The following DYNLRB1 variants were observed in gnomAD, a reference collection of about 807,000 sequenced individuals.
DYNLRB1 encodes ROBL/LC7-like 1.
A neutral mutation model predicts 13.5 loss-of-function variants in DYNLRB1; 6 were observed. That is an observed-to-expected ratio of 0.44 (90% CI 0.24 to 0.88). DYNLRB1 has a LOEUF of 0.88. Among genes scored for constraint, DYNLRB1 ranks in the 40% least tolerant of loss-of-function variants. The pLI, the probability that DYNLRB1 is intolerant of heterozygous loss-of-function variation, is 0.21. For missense variants in DYNLRB1, 93 were observed against 127.2 expected (o/e 0.73, Z 1.29); for synonymous variants, 43 against 45.0 (o/e 0.96, Z 0.18).
intron 2 of DYNLRB1, chr20:34,529,729 CA>C (rs111373342): frequency 0.18 from 144,707 of 782,972 alleles, 367 homozygotes; most frequent in East Asian, 0.3. Context: ...AACTCGGTCT[CA>C]AAAAAAAAAA....
chr20:34,533,520 T>C, intron 2 of DYNLRB1: 1 of 985,440 alleles, frequency 1.0e-6, no homozygotes, highest in African/African-American at 1.7e-5. Flanking sequence ...CTTCTACTTT[T>C]TAGTGTGTAG....
At chr20:34,518,971 C>CA (rs1979494271) in intron 1 of DYNLRB1, among the ~76,000 whole-genome samples, 1 of 152,040 alleles carries the variant, frequency 6.6e-6, no homozygotes, top group South Asian at 2.1e-4. Flanking sequence ...GAGCTCACTG[C>CA]AACCTCTGCC....
intron 1 of DYNLRB1, among the ~76,000 whole-genome samples, chr20:34,520,640 G>C (rs1263602928): frequency 6.6e-6 from 1 of 152,112 alleles, no homozygotes; most frequent in Non-Finnish European, 1.5e-5. Context: ...GTAGAAACAG[G>C]GTTTCGCCAT....
intron 1 of DYNLRB1, chr20:34,516,836 A>G: frequency 1.3e-6 from 2 of 1,547,804 alleles, no homozygotes; most frequent in Non-Finnish European, 8.7e-7. Context: ...CAAGCACTTT[A>G]TGTATCTTGT....
intron 1 of DYNLRB1, among the ~76,000 whole-genome samples, chr20:34,523,104 G>T (rs1030610002): frequency 6.6e-6 from 1 of 152,112 alleles, no homozygotes; most frequent in Admixed American, 6.5e-5. Flanking sequence ...GGGCCTCGGT[G>T]CCCAGTAGAG....
At chr20:34,530,951 C>T (rs1980672172) in intron 2 of DYNLRB1, 2 of 152,336 alleles carry the variant, frequency 1.3e-5, no homozygotes, top group African/African-American at 2.4e-5. Context: ...CTTTTGACAT[C>T]TCTGCCTTGG....
At chr20:34,516,618 C>G (rs1313311451) in intron 1 of DYNLRB1, 157 bp downstream of exon 1, 21 of 1,500,056 alleles carry the variant, frequency 1.4e-5, no homozygotes, top group Non-Finnish European at 1.7e-5. Flanking sequence ...GAGGGTGGAA[C>G]CCGGCGGCGG....
chr20:34,532,903 G>A (rs576506746), intron 2 of DYNLRB1, among the ~76,000 whole-genome samples: 9 of 152,306 alleles, frequency 5.9e-5, no homozygotes, highest in East Asian at 3.9e-4. Context: ...GCCTTTGGCC[G>A]ATCCCTAGAC....
At chr20:34,520,190 G>A (rs1347698724) in intron 1 of DYNLRB1, among the ~76,000 whole-genome samples, 2 of 152,174 alleles carry the variant, frequency 1.3e-5, no homozygotes, top group Non-Finnish European at 1.5e-5. Flanking sequence ...GTTTCACTGT[G>A]CCACATAACT....
intron 2 of DYNLRB1, chr20:34,526,640 C>G (rs917025893): frequency 2.5e-6 from 1 of 392,590 alleles, no homozygotes; most frequent in African/African-American, 2.0e-5. Context: ...AAAATCCGCT[C>G]AATCCCACCA....
intron 2 of DYNLRB1, chr20:34,530,123 C>T: frequency 8.1e-7 from 1 of 1,228,890 alleles, no homozygotes; most frequent in Non-Finnish European, 1.0e-6. Flanking sequence ...GCTGTGACCC[C>T]CAGGCTTCCA....
chr20:34,530,368 C>A, intron 2 of DYNLRB1: 1 of 816,954 alleles, frequency 1.2e-6, no homozygotes, highest in Non-Finnish European at 1.5e-6. Context: ...GGGCATAAGC[C>A]ACTTTCTCTG....
At chr20:34,516,874 G>A in intron 1 of DYNLRB1, 1 of 1,523,632 alleles carries the variant, frequency 6.6e-7, no homozygotes, top group Non-Finnish European at 8.8e-7. Flanking sequence ...CCAGCTCTGT[G>A]AGGTAGATAC....
intron 1 of DYNLRB1, chr20:34,516,673 C>T: frequency 3.4e-6 from 5 of 1,478,360 alleles, no homozygotes; most frequent in Non-Finnish European, 4.5e-6. Flanking sequence ...GATCCCGCTG[C>T]CCCTTGACCG....
chr20:34,516,577 G>C, intron 1 of DYNLRB1, 116 bp downstream of exon 1: 1 of 1,549,216 alleles, frequency 6.5e-7, no homozygotes, highest in Non-Finnish European at 8.7e-7. Flanking sequence ...GTGGTGGCTG[G>C]GCGTGGCCGG....
intron 1 of DYNLRB1, among the ~76,000 whole-genome samples, chr20:34,524,815 G>A (rs553824413): frequency 3.3e-5 from 5 of 149,870 alleles, no homozygotes; most frequent in African/African-American, 1.2e-4. Flanking sequence ...GCTCCACCCC[G>A]CGGGTTCACG....
intron 1 of DYNLRB1, chr20:34,517,001 C>G (rs1053637448): frequency 8.0e-7 from 1 of 1,247,468 alleles, no homozygotes; most frequent in Non-Finnish European, 1.0e-6. Flanking sequence ...ACGGCCGCCA[C>G]TCTGTCGGCG....
chr20:34,526,406 A>G, intron 2 of DYNLRB1, 63 bp downstream of exon 2: 4 of 1,551,774 alleles, frequency 2.6e-6, no homozygotes, highest in South Asian at 1.1e-5. Flanking sequence ...ATAACACAGC[A>G]TAGCACTTGC....
chr20:34,521,911 A>G (rs755491556), intron 1 of DYNLRB1, among the ~76,000 whole-genome samples: 4 of 152,042 alleles, frequency 2.6e-5, no homozygotes, highest in Non-Finnish European at 5.9e-5. Flanking sequence ...GGCAGTACAC[A>G]TCAGTAGTCC....
Sources: allele counts gnomAD v4.1 joint callset (sites outside exome capture counted in the v4.1 genomes callset), GRCh38; gene constraint gnomAD v4.1.1; transcripts MANE v1.5; gene names NCBI Gene and HGNC (gene_info 2026-07-23, HGNC 2026-07-21).